Variants in SLC9D1 observed in about 807,000 individuals in gnomAD.
The protein encoded by SLC9D1 is putative LAG1-interacting protein.
At chr13:113,513,581 G>A in the SLC9D1 span, among the ~76,000 whole-genome samples, 2 of 152,166 alleles carry the variant, frequency 1.3e-5, no homozygotes, top group Non-Finnish European at 2.9e-5. Flanking sequence ...CATGTTAAAT[G>A]TGTAATATAC....
the SLC9D1 span, chr13:113,534,378 A>G: frequency 9.4e-6 from 7 of 744,016 alleles, no homozygotes; most frequent in Non-Finnish European, 1.3e-5. Context: ...TTTATTTTAT[A>G]CACACTTTCT....
chr13:113,545,128 C>T, the SLC9D1 span, among the ~76,000 whole-genome samples: 2 of 152,254 alleles, frequency 1.3e-5, no homozygotes, highest in Non-Finnish European at 2.9e-5. Context: ...CAGGTGTGCG[C>T]CCCCGCCAGC....
chr13:113,527,047 G>A, the SLC9D1 span, among the ~76,000 whole-genome samples: 1 of 152,166 alleles, frequency 6.6e-6, no homozygotes, highest in Non-Finnish European at 1.5e-5. Context: ...AATGCACTCT[G>A]GAATGTCTGC....
the SLC9D1 span, among the ~76,000 whole-genome samples, chr13:113,497,518 C>T: frequency 6.8e-6 from 1 of 147,970 alleles, no homozygotes; most frequent in Admixed American, 6.7e-5. Context: ...GTGAGACCTG[C>T]AGCTGTGTGT....
At chr13:113,492,537 A>G in the SLC9D1 span, among the ~76,000 whole-genome samples, 1 of 152,246 alleles carries the variant, frequency 6.6e-6, no homozygotes, top group Non-Finnish European at 1.5e-5. Context: ...TGTCTTCTCA[A>G]TAAAATTGAG....
chr13:113,511,362 C>T, the SLC9D1 span, among the ~76,000 whole-genome samples: 108 of 152,312 alleles, frequency 7.1e-4, no homozygotes, highest in African/African-American at 2.5e-3. Context: ...TCCCATAAAC[C>T]GAGAGGCTCT....
At chr13:113,547,491 C>T in the SLC9D1 span, 1 of 846,250 alleles carries the variant, frequency 1.2e-6, no homozygotes, top group Non-Finnish European at 1.9e-6. Context: ...CGGCCCTGCT[C>T]CTCATCTCGG....
the SLC9D1 span, among the ~76,000 whole-genome samples, chr13:113,538,687 A>G: frequency 6.7e-6 from 1 of 149,868 alleles, no homozygotes; most frequent in African/African-American, 2.5e-5. Flanking sequence ...GTTCTTTACA[A>G]GTTTCTTTTC....
chr13:113,549,431 C>T, the SLC9D1 span: 7 of 1,613,884 alleles, frequency 4.3e-6, no homozygotes, highest in Non-Finnish European at 5.9e-6. Context: ...GCAGGTGTAC[C>T]TCCTTATACT....
the SLC9D1 span, chr13:113,501,957 T>G: frequency 2.5e-6 from 3 of 1,197,928 alleles, no homozygotes; most frequent in Middle Eastern, 2.3e-4. Flanking sequence ...TAAAAAGTAT[T>G]GAATGTGATT....
chr13:113,548,414 G>C, the SLC9D1 span: 1 of 1,612,382 alleles, frequency 6.2e-7, no homozygotes, highest in South Asian at 1.1e-5. Flanking sequence ...CTTTGTCCTG[G>C]GGAGCCGGGC....
chr13:113,530,649 T>G, the SLC9D1 span: 1 of 152,234 alleles, frequency 6.6e-6, no homozygotes. Flanking sequence ...TATTAAGCTT[T>G]ATTCAGAATT....
chr13:113,491,868 C>CA, the SLC9D1 span, among the ~76,000 whole-genome samples: 1 of 152,254 alleles, frequency 6.6e-6, no homozygotes, highest in Non-Finnish European at 1.5e-5. Context: ...GGTCCCTATT[C>CA]ACTGCCTGTT....
the SLC9D1 span, among the ~76,000 whole-genome samples, chr13:113,538,240 G>GTGTGTGTGGTGTATA: frequency 6.6e-6 from 1 of 151,704 alleles, no homozygotes; most frequent in East Asian, 1.9e-4. Context: ...TTTGTGTGGT[G>GTGTGTGTGGTGTATA]TGTGTGTGGT....
the SLC9D1 span, chr13:113,499,969 C>T: frequency 6.7e-7 from 1 of 1,498,666 alleles, no homozygotes; most frequent in Non-Finnish European, 9.0e-7. Context: ...TCAAGGGGGT[C>T]AATTTTGAGG....
the SLC9D1 span, chr13:113,520,529 T>G: frequency 1.2e-6 from 1 of 848,796 alleles, no homozygotes; most frequent in Non-Finnish European, 1.8e-6. Flanking sequence ...ATTTGAGTTA[T>G]TTTGGAAGTG....
chr13:113,520,566 G>T, the SLC9D1 span: 2 of 1,323,234 alleles, frequency 1.5e-6, no homozygotes, highest in East Asian at 2.4e-5. Context: ...TTTGACTTTG[G>T]ATACTTTTGA....
At chr13:113,513,145 C>T in the SLC9D1 span, among the ~76,000 whole-genome samples, 1 of 152,128 alleles carries the variant, frequency 6.6e-6, no homozygotes, top group South Asian at 2.1e-4. Context: ...AAAGGAACAG[C>T]AAATAATTGG....
At chr13:113,524,108 T>A in the SLC9D1 span, 1 of 451,196 alleles carries the variant, frequency 2.2e-6, no homozygotes, top group Non-Finnish European at 4.4e-6. Flanking sequence ...AGTGGAGTTT[T>A]TTTTAATATA....
Sources: allele counts gnomAD v4.1 joint callset (sites outside exome capture counted in the v4.1 genomes callset), GRCh38; gene constraint gnomAD v4.1.1; transcripts MANE v1.5; gene names NCBI Gene and HGNC (gene_info 2026-07-23, HGNC 2026-07-21).